Variants in ROBO2 observed in about 807,000 individuals in gnomAD.
The protein encoded by ROBO2 is roundabout guidance receptor 2.
Under a neutral mutation model 160.8 loss-of-function variants are expected in ROBO2, and 53 were observed. The ratio of observed to expected loss-of-function variants is 0.33; its 90% CI spans 0.26 to 0.41. The LOEUF (loss-of-function observed/expected upper bound fraction) is 0.41, where lower values mean the gene tolerates loss of function less well. ROBO2 is among the 10% of genes least tolerant of loss of function. The pLI is 1.00. For synonymous variants in ROBO2, 664 were observed against 611.7 expected (o/e 1.09, Z -1.26); for missense variants, 1,577 against 1,722.4 (o/e 0.92, Z 1.49).
intron 2 of ROBO2, among the ~76,000 whole-genome samples, chr3:76,240,292 C>T (rs572984304): frequency 6.6e-6 from 1 of 151,956 alleles, no homozygotes; most frequent in South Asian, 2.1e-4. Context: ...ACCCCCACCC[C>T]CCGACAGGCC....
At chr3:76,548,088 T>C (rs551442979) in intron 2 of ROBO2, among the ~76,000 whole-genome samples, 41 of 152,322 alleles carry the variant, frequency 2.7e-4, no homozygotes, top group African/African-American at 9.9e-4. Flanking sequence ...TAAAACTCAC[T>C]ACTTTATTTT....
chr3:75,910,104 G>A (rs949404531), intron 1 of ROBO2, among the ~76,000 whole-genome samples: 14 of 152,176 alleles, frequency 9.2e-5, no homozygotes, highest in African/African-American at 2.9e-4. Flanking sequence ...TTTGCAGTTA[G>A]TACAGGGCTG....
At chr3:76,620,469 T>C (rs1460673614) in intron 2 of ROBO2, among the ~76,000 whole-genome samples, 3 of 152,176 alleles carry the variant, frequency 2.0e-5, no homozygotes, top group Non-Finnish European at 4.4e-5. Context: ...AACCGCATTC[T>C]AGGAGTTAGT....
chr3:76,877,455 GT>G (rs2072867217), intron 2 of ROBO2, among the ~76,000 whole-genome samples: 1 of 152,192 alleles, frequency 6.6e-6, no homozygotes. Context: ...AGAACGATGA[GT>G]TTGGGGGAGG....
chr3:76,454,916 C>T (rs994973825), intron 2 of ROBO2, among the ~76,000 whole-genome samples: 1 of 151,938 alleles, frequency 6.6e-6, no homozygotes, highest in Non-Finnish European at 1.5e-5. Context: ...AGAAAACAAC[C>T]TTGATGTAAC....
At chr3:76,963,742 C>A (rs1386222017) in intron 2 of ROBO2, among the ~76,000 whole-genome samples, 1 of 149,118 alleles carries the variant, frequency 6.7e-6, no homozygotes, top group Non-Finnish European at 1.5e-5. Context: ...ATCAAAAAGA[C>A]CTAAATTATT....
intron 2 of ROBO2, among the ~76,000 whole-genome samples, chr3:76,304,551 G>A (rs2071227052): frequency 6.6e-6 from 1 of 152,140 alleles, no homozygotes; most frequent in African/African-American, 2.4e-5. Flanking sequence ...CTGATGGCTT[G>A]TTGATGGAGT....
At chr3:76,567,478 C>T (rs542117493) in intron 2 of ROBO2, among the ~76,000 whole-genome samples, 74 of 150,392 alleles carry the variant, frequency 4.9e-4, no homozygotes, top group African/African-American at 1.6e-3. Context: ...TTTTCCTTTA[C>T]TTAGTAATTG....
At chr3:76,993,342 GAGT>G (rs1046741204) in intron 2 of ROBO2, among the ~76,000 whole-genome samples, 8 of 151,676 alleles carry the variant, frequency 5.3e-5, no homozygotes, top group Non-Finnish European at 1.2e-4. Context: ...AAGGAATAAA[GAGT>G]TTGTGAAATT....
chr3:76,407,460 A>G (rs1417467787), intron 2 of ROBO2, among the ~76,000 whole-genome samples: 1 of 148,090 alleles, frequency 6.8e-6, no homozygotes, highest in Non-Finnish European at 1.5e-5. Context: ...ACACATAATA[A>G]AAGTCAACAT....
intron 2 of ROBO2, among the ~76,000 whole-genome samples, chr3:76,669,489 C>T (rs940753360): frequency 3.3e-5 from 5 of 152,220 alleles, no homozygotes; most frequent in African/African-American, 9.6e-5. Context: ...AACCAGGAAA[C>T]CAGTGTAAAG....
At chr3:76,910,725 CA>C (rs10662303) in intron 2 of ROBO2, among the ~76,000 whole-genome samples, 75 of 35,522 alleles carry the variant, frequency 2.1e-3, no homozygotes, top group Non-Finnish European at 2.5e-3. Flanking sequence ...AACTCTGTCT[CA>C]AAAAAAAAAA....
chr3:76,459,486 T>C (rs1315406781), intron 2 of ROBO2, among the ~76,000 whole-genome samples: 1 of 152,202 alleles, frequency 6.6e-6, no homozygotes. Context: ...GGCAGTAGTA[T>C]AGTTTCTTAC....
chr3:76,020,592 C>T (rs2066545775), intron 2 of ROBO2, among the ~76,000 whole-genome samples: 1 of 151,672 alleles, frequency 6.6e-6, no homozygotes, highest in South Asian at 2.1e-4. Context: ...ACATAGGGAC[C>T]TTAGAATTAT....
chr3:76,323,997 G>T (rs190209320), intron 2 of ROBO2, among the ~76,000 whole-genome samples: 9 of 152,202 alleles, frequency 5.9e-5, no homozygotes, highest in Non-Finnish European at 1.3e-4. Flanking sequence ...CATAAACATT[G>T]AGAAATGGTA....
At chr3:77,202,455 A>G (rs1385783383) in intron 2 of ROBO2, among the ~76,000 whole-genome samples, 2 of 152,196 alleles carry the variant, frequency 1.3e-5, no homozygotes, top group Non-Finnish European at 2.9e-5. Flanking sequence ...TTTAATATAC[A>G]TCTGTCATCC....
intron 2 of ROBO2, among the ~76,000 whole-genome samples, chr3:75,997,091 T>C (rs1193666077): frequency 6.6e-6 from 1 of 152,220 alleles, no homozygotes; most frequent in East Asian, 1.9e-4. Context: ...AACTCAATTG[T>C]TCAAAGATTC....
intron 2 of ROBO2, among the ~76,000 whole-genome samples, chr3:76,319,526 A>T (rs1445263262): frequency 6.6e-6 from 1 of 152,056 alleles, no homozygotes; most frequent in Admixed American, 6.6e-5. Context: ...TGAAAACAAA[A>T]TTATACTAAA....
At chr3:76,284,487 A>T (rs1394731029) in intron 2 of ROBO2, among the ~76,000 whole-genome samples, 2 of 152,144 alleles carry the variant, frequency 1.3e-5, no homozygotes, top group East Asian at 3.8e-4. Context: ...TATATTTAAT[A>T]GATACAATCC....
Sources: allele counts gnomAD v4.1 joint callset (sites outside exome capture counted in the v4.1 genomes callset), GRCh38; gene constraint gnomAD v4.1.1; transcripts MANE v1.5; gene names NCBI Gene and HGNC (gene_info 2026-07-23, HGNC 2026-07-21).